Variants in ACSM2A observed in about 807,000 individuals in gnomAD.
The protein encoded by ACSM2A is acyl-coenzyme A synthetase ACSM2A, mitochondrial.
In ACSM2A, 72 loss-of-function variants were observed where a neutral mutation model predicts 76.6. The observed-to-expected ratio is 0.94, with a 90% confidence interval of 0.78 to 1.14. ACSM2A has a LOEUF of 1.14. ACSM2A is among the 50% of genes most tolerant of loss of function. ACSM2A has a pLI of 0.00. For missense variants in ACSM2A, 684 were observed against 708.5 expected (o/e 0.97, Z 0.39); for synonymous variants, 249 against 255.9 (o/e 0.97, Z 0.26).
At chr16:20,470,713 CACA>C in intron 4 of ACSM2A, 1 of 455,634 alleles carries the variant, frequency 2.2e-6, no homozygotes. Flanking sequence ...CAGAGCTCTT[CACA>C]ACAATTAGAT....
Position 20,480,581 on chromosome 16 carries a change from C to G in ACSM2A, c.1290C>G (p.Pro430=). The change falls in exon 11 of 14, where the codon CCC becomes CCG. Residue 430 remains proline, a synonymous_variant. Transcript: ENST00000573854. ...CTTTCTGTGGTCACCAGGACAATCC[C>G]GACAAGACAGCAGCCAACATTCGAG... ...IGIFSGYVDN[P]DKTAANIRGD... 6.2e-7 allele frequency: 1 copy of G among 1,613,834 alleles called. No homozygotes were observed. Among genetic ancestry groups the G allele is most frequent in the Non-Finnish European group, 8.5e-7 (1 of 1,179,800 alleles).
Position 20,480,941 on chromosome 16 carries a change from C to G in ACSM2A, c.1509+20C>G, listed in dbSNP as rs1321900083. 2.5e-6 allele frequency: 4 copies of G among 1,613,616 alleles called. No individual in the cohort carries two copies. Among genetic ancestry groups the G allele is most frequent in the South Asian group, 1.1e-5 (1 of 91,056 alleles). ...GGAGAGGTGATGGGGAAGCAGTAGC[C>G]TGGGGGTGAACACATATGAACACAA... On this transcript the variant is annotated intron_variant, in intron 12 of 13. Transcript: ENST00000573854.
At chr16:20,461,284 T>C (rs1361510131) in intron 2 of ACSM2A, among the ~76,000 whole-genome samples, 1 of 150,314 alleles carries the variant, frequency 6.7e-6, no homozygotes, top group Admixed American at 6.6e-5. Flanking sequence ...CGGCCCTAGG[T>C]GTGGGTACTC....
intron 8 of ACSM2A, chr16:20,476,337 T>C: frequency 1.0e-6 from 1 of 980,068 alleles, no homozygotes; most frequent in East Asian, 1.1e-4. Flanking sequence ...GGGAATACTT[T>C]TCCCCAACTC....
At chr16:20,476,725 CT>C in intron 8 of ACSM2A, 1 of 1,015,408 alleles carries the variant, frequency 9.8e-7, no homozygotes, top group Non-Finnish European at 1.2e-6. Context: ...ATTGTGATAT[CT>C]TTTGTCCAGG....
chr16:20,484,951 A>G (rs757002), intron 13 of ACSM2A, among the ~76,000 whole-genome samples: 25,274 of 152,030 alleles, frequency 0.17, 2,716 homozygotes, highest in African/African-American at 0.29. Flanking sequence ...GCCTCTGAGA[A>G]TGAGGCAGCA....
At chr16:20,485,041 T>G (rs1177046549) in intron 13 of ACSM2A, among the ~76,000 whole-genome samples, 2 of 152,166 alleles carry the variant, frequency 1.3e-5, no homozygotes, top group Non-Finnish European at 2.9e-5. Flanking sequence ...GATCCTCAGT[T>G]TCCTTATTTG....
At chr16:20,462,858 G>A (rs1469631240) in intron 2 of ACSM2A, among the ~76,000 whole-genome samples, 3 of 151,956 alleles carry the variant, frequency 2.0e-5, no homozygotes, top group Non-Finnish European at 2.9e-5. Context: ...GGTTTCTGAG[G>A]AATATGTGTA....
chr16:20,470,971 A>G (rs1465823312), intron 4 of ACSM2A, 102 bp from the exon 5 acceptor site: 11 of 1,467,982 alleles, frequency 7.5e-6, no homozygotes, highest in South Asian at 1.2e-5. Flanking sequence ...GGGTCCATCA[A>G]CTTGCCCTTT....
Position 20,478,570 on chromosome 16 carries a change from C to T in ACSM2A, c.1180-6C>T. ...CATCATTCTTCCAATCTGCTTCTTT[C>T]TCCAGATCATAGATGATAAGGGCAA... On this transcript the variant is annotated splice_polypyrimidine_tract_variant and splice_region_variant and intron_variant, in intron 9 of 13. Coordinates refer to ENST00000573854, the MANE Select transcript of ACSM2A (RefSeq NM_001308172.2). The T allele has an allele frequency of 6.2e-7, 1 of 1,612,824 alleles. No individual in the cohort carries two copies. The highest frequency in any genetic ancestry group is 8.5e-7 in the Non-Finnish European group (1 of 1,179,154).
At chr16:20,464,125 C>T (rs1296448202) in intron 2 of ACSM2A, among the ~76,000 whole-genome samples, 1 of 152,184 alleles carries the variant, frequency 6.6e-6, no homozygotes, top group Non-Finnish European at 1.5e-5. Context: ...ATTTCATTGT[C>T]CATAATTCTA....
Position 20,465,457 on chromosome 16 carries a change from A to T in ACSM2A, c.178-60A>T. The T allele has an allele frequency of 2.5e-6, 4 of 1,584,190 alleles. No individual in the cohort carries two copies. The South Asian group carries it at 4.5e-5, about 18-fold the overall frequency. The stretch of plus-strand genomic sequence containing the variant: ...CAACTTGGCAATCCCAAGACTTGGA[A>T]TTTATCCTACCTGCTTGTGTACCAA... On this transcript the variant is annotated intron_variant, in intron 2 of 13. Coordinates refer to ENST00000573854, the MANE Select transcript of ACSM2A (RefSeq NM_001308172.2).
At chr16:20,477,629 G>T (rs1271962747) in intron 9 of ACSM2A, among the ~76,000 whole-genome samples, 180 bp downstream of exon 9, 1 of 152,124 alleles carries the variant, frequency 6.6e-6, no homozygotes. Context: ...AGGAGGAAAA[G>T]GGGAAATGAT....
chr16:20,464,143 T>G (rs1435103093), intron 2 of ACSM2A, among the ~76,000 whole-genome samples: 1 of 152,168 alleles, frequency 6.6e-6, no homozygotes, highest in African/African-American at 2.4e-5. Context: ...CTATCAGCAT[T>G]TTGGTCACAA....
intron 13 of ACSM2A, among the ~76,000 whole-genome samples, chr16:20,486,164 T>G (rs922922181): frequency 5.3e-5 from 8 of 152,244 alleles, no homozygotes; most frequent in East Asian, 1.9e-4. Flanking sequence ...AATCTCCTTT[T>G]GTCCATGTAA....
At chr16:20,477,559 A>G in intron 9 of ACSM2A, 110 bp downstream of exon 9, 5 of 1,451,040 alleles carry the variant, frequency 3.4e-6, no homozygotes, top group Non-Finnish European at 4.6e-6. Flanking sequence ...ACTGATATTA[A>G]GATAACATAA....
intron 10 of ACSM2A, among the ~76,000 whole-genome samples, 189 bp from the exon 11 acceptor site, chr16:20,480,384 A>G (rs1022038084): frequency 7.2e-5 from 11 of 152,334 alleles, no homozygotes; most frequent in Admixed American, 3.3e-4. Flanking sequence ...GAATAACTTC[A>G]ATAAATGGGA....
At chr16:20,452,265 C>A (rs2011805401) in intron 1 of ACSM2A, 1 of 151,764 alleles carries the variant, frequency 6.6e-6, no homozygotes, top group Non-Finnish European at 1.5e-5. Flanking sequence ...TAGGAACCAC[C>A]TAATCCAGCA....
chr16:20,465,838 C>T, intron 3 of ACSM2A, 111 bp downstream of exon 3: 2 of 1,461,344 alleles, frequency 1.4e-6, no homozygotes, highest in Admixed American at 2.6e-5. Context: ...AGCATGCTGT[C>T]CTGTATCATA....
Sources: gnomAD v4.1 joint callset for allele counts (sites outside exome capture counted in the v4.1 genomes callset) on GRCh38, gnomAD v4.1.1 for gene constraint, MANE v1.5 for transcripts, NCBI Gene and HGNC (gene_info 2026-07-23, HGNC 2026-07-21) for gene names.